FBXO47: variants seen among roughly 807,000 people sequenced by gnomAD.
FBXO47 encodes F-box protein 47, also known as F-box only protein 47.
In FBXO47, 34 loss-of-function variants were observed where a neutral mutation model predicts 53.9. The observed-to-expected ratio is 0.63, with a 90% CI of 0.48 to 0.84. The LOEUF is 0.84. Among genes scored for constraint, FBXO47 ranks in the 40% least tolerant of loss-of-function variants. The pLI, the probability that FBXO47 is intolerant of heterozygous loss-of-function variation, is 0.00. For missense variants in FBXO47, 485 were observed against 541.3 expected (o/e 0.90, Z 1.03); for synonymous variants, 165 against 181.6 (o/e 0.91, Z 0.73).
chr17:38,937,678 T>C (rs1915612970), intron 10 of FBXO47, among the ~76,000 whole-genome samples: 1 of 152,108 alleles, frequency 6.6e-6, no homozygotes, highest in Non-Finnish European at 1.5e-5. Context: ...TATTTATTAT[T>C]ATTTTTTGAG....
chr17:38,949,559 A>G (rs1905121852), intron 6 of FBXO47, among the ~76,000 whole-genome samples: 1 of 152,208 alleles, frequency 6.6e-6, no homozygotes, highest in Admixed American at 6.6e-5. Context: ...GATGGATCAT[A>G]TAACTCTATG....
rs1218321299 is a variant in FBXO47 at position 38,939,293 on chromosome 17, C to CAAAAA, written c.1084-566_1084-562dup. ...GGGGGACAGAGCCAGACTCCATCTC[C>CAAAAA]AAAAAAAAAAAAAAAAAAAAAAAAA... On this transcript the variant is annotated intron_variant, in intron 9 of 10. Coordinates refer to ENST00000378079, the MANE Select transcript of FBXO47 (RefSeq NM_001008777.3). Among the ~76,000 whole-genome samples the CAAAAA allele has an allele frequency of 1.2e-3, 41 of 34,862 alleles. 2 individuals carry two copies. The highest frequency in any genetic ancestry group is 2.0e-3 in the Admixed American group (3 of 1,466). 22.9% of individuals were successfully genotyped at this position (34,862 alleles called of 152,430 possible).
At chr17:38,945,477 T>C (rs2143902017) in intron 6 of FBXO47, among the ~76,000 whole-genome samples, 1 of 152,246 alleles carries the variant, frequency 6.6e-6, no homozygotes, top group Middle Eastern at 3.4e-3. Flanking sequence ...ATATACTTTG[T>C]ACTGAAAGTG....
intron 3 of FBXO47, among the ~76,000 whole-genome samples, chr17:38,959,675 TCTCA>T (rs1324320257): frequency 2.0e-5 from 3 of 146,414 alleles, no homozygotes; most frequent in Non-Finnish European, 4.5e-5. Context: ...TGAGACAGGG[TCTCA>T]CTCTGTTGCC....
intron 3 of FBXO47, among the ~76,000 whole-genome samples, chr17:38,957,698 C>CTTTTTT (rs67243641): frequency 7.5e-6 from 1 of 132,866 alleles, no homozygotes; most frequent in Non-Finnish European, 1.6e-5. Context: ...ACTGATTTTT[C>CTTTTTT]TTTTTTTTTT....
chr17:38,947,099 T>C (rs1207936072), intron 6 of FBXO47, among the ~76,000 whole-genome samples: 2 of 92,966 alleles, frequency 2.2e-5, no homozygotes, highest in East Asian at 3.1e-4. Flanking sequence ...TATAAACATA[T>C]ATATAAACAT....
At chr17:38,945,733 G>T (rs369810916) in intron 6 of FBXO47, among the ~76,000 whole-genome samples, 3 of 151,556 alleles carry the variant, frequency 2.0e-5, no homozygotes, top group Admixed American at 1.3e-4. Context: ...TCAGGAGATC[G>T]AGACCAACCT....
At chr17:38,952,635 G>A (rs937543892) in intron 5 of FBXO47, among the ~76,000 whole-genome samples, 2 of 151,630 alleles carry the variant, frequency 1.3e-5, no homozygotes, top group African/African-American at 2.4e-5. Context: ...CCTGAACTTC[G>A]ACAATGTGAG....
At chr17:38,956,321 C>T (rs1196280089) in intron 4 of FBXO47, among the ~76,000 whole-genome samples, 2 of 151,822 alleles carry the variant, frequency 1.3e-5, no homozygotes, top group Admixed American at 6.6e-5. Flanking sequence ...GGCAAGGTGG[C>T]TCATACCTGT....
Position 38,962,887 on chromosome 17 carries a change from AG to A in FBXO47, c.138del (p.Leu47TyrfsTer8). 6.2e-7 allele frequency: 1 copy of A among 1,613,224 alleles called. No individual in the cohort carries two copies. The highest frequency in any genetic ancestry group is 8.5e-7 in the Non-Finnish European group (1 of 1,179,524). On this transcript the variant is annotated frameshift_variant, in exon 2 of 11. Transcript: ENST00000378079. LOFTEE classifies it high-confidence loss of function. Reference protein sequence around the residue: ...QPISTFGNFKALPLEIFQIIL... With the variant: ...QPISTFGNFKXLPLEIFQIIL... Reference sequence around the variant, plus strand: ...ATTATCTGGAATATTTCCAATGGTAAGGCTTTAAAATTTCCAAATGTTGATA... The same window carrying A: ...ATTATCTGGAATATTTCCAATGGTAAGCTTTAAAATTTCCAAATGTTGATA...
intron 6 of FBXO47, among the ~76,000 whole-genome samples, chr17:38,950,586 C>T (rs1190458918): frequency 6.6e-6 from 1 of 151,772 alleles, no homozygotes; most frequent in Non-Finnish European, 1.5e-5. Flanking sequence ...AAGCATGAGC[C>T]ACTGCCCTCT....
chr17:38,941,671 CGT>C (rs1172996116), intron 9 of FBXO47, among the ~76,000 whole-genome samples: 1 of 109,496 alleles, frequency 9.1e-6, no homozygotes, highest in Non-Finnish European at 1.9e-5. Context: ...TGTGTGTGTG[CGT>C]GTGTGTGTGT....
intron 1 of FBXO47, among the ~76,000 whole-genome samples, chr17:38,964,584 C>T (rs775574953): frequency 1.3e-5 from 2 of 151,574 alleles, no homozygotes; most frequent in Non-Finnish European, 2.9e-5. Flanking sequence ...TCGCTTGAAC[C>T]CGGGAGGCGG....
At chr17:38,953,454 G>T (rs1452521431) in intron 5 of FBXO47, among the ~76,000 whole-genome samples, 1 of 151,800 alleles carries the variant, frequency 6.6e-6, no homozygotes, top group Non-Finnish European at 1.5e-5. Context: ...GCGAAACCTC[G>T]TCTCTACTAA....
chr17:38,938,923 A>G (rs1436420128), intron 9 of FBXO47, among the ~76,000 whole-genome samples, 191 bp from the exon 10 acceptor site: 1 of 152,160 alleles, frequency 6.6e-6, no homozygotes, highest in Admixed American at 6.5e-5. Context: ...GTACAATTTT[A>G]ATGGGAAAAA....
chr17:38,939,323 A>AAAAAAAAAAAAAAAATAT (rs1555559726), intron 9 of FBXO47, among the ~76,000 whole-genome samples: 1 of 50,176 alleles, frequency 2.0e-5, no homozygotes, highest in African/African-American at 7.5e-5. Flanking sequence ...AAAAAAAAAA[A>AAAAAAAAAAAAAAAATAT]ATATATATAT....
At chr17:38,942,451 G>A (rs1904551248) in intron 9 of FBXO47, among the ~76,000 whole-genome samples, 2 of 151,994 alleles carry the variant, frequency 1.3e-5, no homozygotes, top group East Asian at 3.9e-4. Context: ...AAATTAGCTG[G>A]GGCATAGTGG....
At chr17:38,953,125 CCA>C (rs768926649) in intron 5 of FBXO47, among the ~76,000 whole-genome samples, 14,635 of 117,686 alleles carry the variant, frequency 0.12, 1,128 homozygotes, top group Admixed American at 0.3. Flanking sequence ...AAAAAAAAAA[CCA>C]CACACACACA....
intron 4 of FBXO47, among the ~76,000 whole-genome samples, chr17:38,955,815 G>A (rs1448977749): frequency 1.3e-5 from 2 of 151,882 alleles, no homozygotes; most frequent in East Asian, 1.9e-4. Flanking sequence ...AAAATTTGCT[G>A]GGCGTGGTGG....
Sources: gnomAD v4.1 joint callset for allele counts (sites outside exome capture counted in the v4.1 genomes callset) on GRCh38, gnomAD v4.1.1 for gene constraint, MANE v1.5 for transcripts, NCBI Gene and HGNC (gene_info 2026-07-23, HGNC 2026-07-21) for gene names.